Variants in ANKFN1 observed in about 807,000 individuals in gnomAD.
The protein encoded by ANKFN1 is ankyrin repeat and fibronectin type-III domain-containing protein 1.
In ANKFN1, 74 loss-of-function variants were observed where a neutral mutation model predicts 108.7. The observed-to-expected ratio is 0.68, with a 90% CI of 0.56 to 0.83. The LOEUF (loss-of-function observed/expected upper bound fraction) is 0.83. ANKFN1 is among the 40% of genes least tolerant of loss of function. The pLI, the probability that ANKFN1 is intolerant of heterozygous loss-of-function variation, is 0.00. For synonymous variants in ANKFN1, 547 were observed against 516.2 expected (o/e 1.06, Z -0.81); for missense variants, 1,505 against 1,382.3 (o/e 1.09, Z -1.41).
At chr17:56,316,229 A>T (rs2045203021) in intron 3 of ANKFN1, among the ~76,000 whole-genome samples, 1 of 152,186 alleles carries the variant, frequency 6.6e-6, no homozygotes, top group Admixed American at 6.6e-5. Context: ...TTATGCTTGA[A>T]TGTGCAAATA....
At chr17:56,384,343 C>T (rs1383500213) in intron 8 of ANKFN1, among the ~76,000 whole-genome samples, 1 of 149,876 alleles carries the variant, frequency 6.7e-6, no homozygotes, top group African/African-American at 2.5e-5. Flanking sequence ...ATAATAAGAG[C>T]TATCTATGAC....
At chr17:56,217,635 G>A (rs887271544) in intron 2 of ANKFN1, among the ~76,000 whole-genome samples, 1 of 152,066 alleles carries the variant, frequency 6.6e-6, no homozygotes, top group East Asian at 1.9e-4. Flanking sequence ...AATCAATCAG[G>A]CCCCAAATGT....
chr17:56,361,977 T>G (rs1021424435), intron 6 of ANKFN1, among the ~76,000 whole-genome samples: 8 of 152,118 alleles, frequency 5.3e-5, no homozygotes, highest in Non-Finnish European at 1.2e-4. Flanking sequence ...TCTGCAGAAT[T>G]CTGCTGATCT....
At chr17:56,477,447 GT>G (rs780409351) in intron 15 of ANKFN1, 40 bp from the exon 16 acceptor site, 4 of 1,489,628 alleles carry the variant, frequency 2.7e-6, no homozygotes, top group Middle Eastern at 1.8e-4. Context: ...CCTTCGAGTT[GT>G]TTTCTTGTTT....
chr17:56,090,358 C>G (rs1905389594), intron 4 of ANKFN1, among the ~76,000 whole-genome samples: 1 of 151,218 alleles, frequency 6.6e-6, no homozygotes, highest in Admixed American at 6.6e-5. Flanking sequence ...TTTGTAAGGA[C>G]TTCTAACCCA....
At chr17:56,061,548 C>T (rs762175887) in intron 4 of ANKFN1, among the ~76,000 whole-genome samples, 7 of 152,126 alleles carry the variant, frequency 4.6e-5, no homozygotes, top group Admixed American at 1.3e-4. Flanking sequence ...GCTGGGATTA[C>T]AGGCATGAGC....
At chr17:56,467,566 G>T (rs2050118272) in intron 15 of ANKFN1, among the ~76,000 whole-genome samples, 1 of 151,330 alleles carries the variant, frequency 6.6e-6, no homozygotes, top group Non-Finnish European at 1.5e-5. Context: ...TCTAATCCCG[G>T]CTACTCAGGA....
intron 2 of ANKFN1, among the ~76,000 whole-genome samples, chr17:56,226,484 T>C (rs547987457): frequency 6.6e-5 from 10 of 152,266 alleles, no homozygotes; most frequent in Admixed American, 6.5e-4. Context: ...GATTTTTTAA[T>C]AAGGATGTTG....
chr17:56,285,556 G>C (rs2044192623), intron 3 of ANKFN1, among the ~76,000 whole-genome samples: 1 of 152,102 alleles, frequency 6.6e-6, no homozygotes, highest in Non-Finnish European at 1.5e-5. Flanking sequence ...TGTTGGAGCA[G>C]TATAATGCTG....
chr17:56,480,708 T>C lies in ANKFN1; in HGVS notation c.1981T>C (p.Ser661Pro). The C allele has an allele frequency of 1.2e-6, 2 of 1,614,042 alleles. No individual in the cohort carries two copies. The highest frequency in any genetic ancestry group is 8.5e-7 in the Non-Finnish European group (1 of 1,179,942). ...GATCCAAAAGCTTTCTGGCTCTGAA[T>C]CTATGGAAAGTGTGGATCATACTTC... ...EWIQKLSGSE[S>P]MESVDHTSDC... The change falls in exon 17 of 21, where the codon TCT becomes CCT. Residue 661 changes from serine (S) to proline (P), a missense_variant. By Grantham distance (74) the Ser-to-Pro change is moderately conservative. Coordinates refer to ENST00000682825, the MANE Select transcript of ANKFN1 (RefSeq NM_001370326.1).
rs1194452616 is a variant in ANKFN1 at position 56,049,840 on chromosome 17, C to T, written c.288+3515C>T. Among the ~76,000 whole-genome samples the T allele has an allele frequency of 7.4e-5, 11 of 149,450 alleles. No homozygotes were observed. In the East Asian group the frequency reaches 9.9e-4, roughly 13 times the overall value. On this transcript the variant is annotated intron_variant, in intron 4 of 12. Coordinates refer to the ANKFN1 transcript ENST00000635860. ...AAGTCTTTGCTATTGTGAATAATGC[C>T]GCAATAAACATACGTGTGCATGTGT... is the stretch of plus-strand genomic sequence containing the variant.
chr17:56,352,990 G>A (rs1349657379), intron 5 of ANKFN1, among the ~76,000 whole-genome samples: 2 of 152,046 alleles, frequency 1.3e-5, no homozygotes, highest in Non-Finnish European at 2.9e-5. Flanking sequence ...CAGAGAAAGT[G>A]TACTCTCAAT....
In ANKFN1 at chr17:56,509,660, G is replaced by C. The variant is rs117437230; in HGVS notation, c.2645-813G>C. ...TAATGGATACTGGATAATGGATACT[G>C]GGTAACAACAAGGAGTGAAAAGGCA... On this transcript the variant is annotated intron_variant, in intron 20 of 20. Transcript: ENST00000682825. 4.2e-3 allele frequency among the ~76,000 whole-genome samples: 640 copies of C among 152,292 alleles called. 3 individuals carry two copies. Among genetic ancestry groups the C allele is most frequent in the Non-Finnish European group, 7.5e-3 (510 of 68,034 alleles).
At chr17:56,126,163 A>C (rs546707256) in intron 4 of ANKFN1, among the ~76,000 whole-genome samples, 1 of 152,220 alleles carries the variant, frequency 6.6e-6, no homozygotes. Flanking sequence ...GAGTGGCCCA[A>C]ATAAAAGTCA....
chr17:56,337,502 A>G (rs2045844454), intron 4 of ANKFN1, among the ~76,000 whole-genome samples: 2 of 152,202 alleles, frequency 1.3e-5, no homozygotes, highest in African/African-American at 2.4e-5. Context: ...GCACGGCAAA[A>G]GAAACTACCG....
chr17:56,408,925 A>ATT (rs551085325), intron 8 of ANKFN1, among the ~76,000 whole-genome samples: 7,855 of 143,068 alleles, frequency 0.055, 253 homozygotes, highest in African/African-American at 0.064. Flanking sequence ...TGCTTTTAAG[A>ATT]TTTTTTTTTT....
At chr17:56,246,534 T>C (rs1301896748) in intron 3 of ANKFN1, among the ~76,000 whole-genome samples, 1 of 152,124 alleles carries the variant, frequency 6.6e-6, no homozygotes, top group East Asian at 1.9e-4. Context: ...TACAAACTCC[T>C]TGTGCAATTT....
upstream of ANKFN1, among the ~76,000 whole-genome samples, chr17:56,152,258 A>ATGTG (rs1211660209): frequency 3.9e-3 from 328 of 84,448 alleles, 2 homozygotes; most frequent in African/African-American, 0.011. Context: ...ATATATATAT[A>ATGTG]TATATGTGTG....
At chr17:56,233,206 A>G (rs1370997108) in intron 3 of ANKFN1, among the ~76,000 whole-genome samples, 1 of 152,022 alleles carries the variant, frequency 6.6e-6, no homozygotes, top group African/African-American at 2.4e-5. Flanking sequence ...GAGCCACCCA[A>G]TCCTAAGAGA....
Sources: allele counts gnomAD v4.1 joint callset (sites outside exome capture counted in the v4.1 genomes callset), GRCh38; gene constraint gnomAD v4.1.1; transcripts MANE v1.5; gene names NCBI Gene and HGNC (gene_info 2026-07-23, HGNC 2026-07-21).